SRPK2: variants seen among roughly 807,000 people sequenced by gnomAD.
SRPK2 encodes SRSF protein kinase 2.
SRPK2 carries 21 observed loss-of-function variants against 90.8 expected under a neutral mutation model. That is an observed-to-expected ratio of 0.23 (90% CI 0.16 to 0.33). The LOEUF is 0.33. SRPK2 is among the 10% of genes least tolerant of loss of function. The probability of loss-of-function intolerance (pLI) is 1.00; values close to 1 mark genes in which losing one functional copy is unlikely to be tolerated. For missense variants in SRPK2, 620 were observed against 869.0 expected (o/e 0.71, Z 3.60); for synonymous variants, 288 against 311.1 (o/e 0.93, Z 0.78).
At chr7:105,161,082 C>G (rs1002507081) in intron 6 of SRPK2, among the ~76,000 whole-genome samples, 1 of 152,034 alleles carries the variant, frequency 6.6e-6, no homozygotes, top group Admixed American at 6.6e-5. Context: ...CCCGCCACCA[C>G]GCTCGGCTAA....
chr7:105,289,273 C>CA (rs958924705), intron 2 of SRPK2, among the ~76,000 whole-genome samples: 5 of 149,774 alleles, frequency 3.3e-5, no homozygotes, highest in African/African-American at 7.4e-5. Context: ...GACTCTGTCT[C>CA]AAAAAAAATA....
At chr7:105,169,060 C>T in intron 4 of SRPK2, 97 bp downstream of exon 4, 1 of 1,051,402 alleles carries the variant, frequency 9.5e-7, no homozygotes, top group South Asian at 1.4e-5. Flanking sequence ...CTTCACATAC[C>T]TCAACAAAGC....
intron 2 of SRPK2, among the ~76,000 whole-genome samples, chr7:105,326,046 C>A (rs189864876): frequency 6.6e-6 from 1 of 152,184 alleles, no homozygotes; most frequent in Non-Finnish European, 1.5e-5. Context: ...GGGTCTGGTG[C>A]GGAGAGCCAT....
intron 2 of SRPK2, among the ~76,000 whole-genome samples, chr7:105,378,502 C>T (rs1471994187): frequency 2.6e-5 from 4 of 152,038 alleles, no homozygotes; most frequent in African/African-American, 7.2e-5. Context: ...TGGTGGCTCA[C>T]GCCTGTAATC....
chr7:105,153,460 C>T (rs947720397), intron 7 of SRPK2, among the ~76,000 whole-genome samples: 12 of 152,128 alleles, frequency 7.9e-5, no homozygotes, highest in Non-Finnish European at 1.6e-4. Context: ...CAAATCTGCT[C>T]CTCTCCACCA....
At chr7:105,223,578 C>G (rs562626780) in intron 2 of SRPK2, among the ~76,000 whole-genome samples, 11 of 152,318 alleles carry the variant, frequency 7.2e-5, no homozygotes, top group African/African-American at 2.4e-4. Context: ...CTATGTCCCC[C>G]ACAGATCTCA....
intron 2 of SRPK2, chr7:105,269,117 GTTTTC>G: frequency 7.2e-6 from 8 of 1,109,200 alleles, no homozygotes; most frequent in Non-Finnish European, 8.9e-6. Context: ...GCAGAGGGGT[GTTTTC>G]TTTTTTAAGG....
At chr7:105,124,334 C>T (rs528401298) in intron 15 of SRPK2, among the ~76,000 whole-genome samples, 2 of 152,276 alleles carry the variant, frequency 1.3e-5, no homozygotes, top group East Asian at 1.9e-4. Context: ...AACAGACAGA[C>T]GATTAACAAA....
At chr7:105,204,415 G>T (rs1008611032) in intron 2 of SRPK2, among the ~76,000 whole-genome samples, 1 of 152,168 alleles carries the variant, frequency 6.6e-6, no homozygotes. Flanking sequence ...GTGTTTGATT[G>T]ATTGAGATTA....
intron 8 of SRPK2, among the ~76,000 whole-genome samples, chr7:105,145,708 T>G (rs1169073505): frequency 6.6e-6 from 1 of 152,198 alleles, no homozygotes; most frequent in Non-Finnish European, 1.5e-5. Flanking sequence ...TGGAATCTAT[T>G]TTGCAAGCTT....
At chr7:105,159,060 A>G (rs1477910532) in intron 7 of SRPK2, among the ~76,000 whole-genome samples, 1 of 152,170 alleles carries the variant, frequency 6.6e-6, no homozygotes, top group Non-Finnish European at 1.5e-5. Context: ...ATCTAGGCCC[A>G]CATGTATACC....
intron 7 of SRPK2, among the ~76,000 whole-genome samples, chr7:105,151,455 A>C (rs1805636048): frequency 6.6e-6 from 1 of 152,218 alleles, no homozygotes. Context: ...GCACACAAGA[A>C]ACTTAAATGG....
upstream of SRPK2, among the ~76,000 whole-genome samples, chr7:105,393,306 A>G (rs1008687924): frequency 1.3e-5 from 2 of 149,578 alleles, no homozygotes; most frequent in Non-Finnish European, 2.9e-5. Context: ...TAATTTTTGT[A>G]TTTTTAGTGG....
chr7:105,381,679 CT>C (rs1346147649), intron 2 of SRPK2, among the ~76,000 whole-genome samples: 1 of 151,996 alleles, frequency 6.6e-6, no homozygotes, highest in East Asian at 1.9e-4. Flanking sequence ...CTGTATTCTA[CT>C]GTAGAGGTAG....
At chr7:105,351,168 A>G (rs1223533352) in intron 2 of SRPK2, among the ~76,000 whole-genome samples, 2 of 152,124 alleles carry the variant, frequency 1.3e-5, no homozygotes. Flanking sequence ...TGGTGGCTTT[A>G]TAAGAGGAAG....
intron 2 of SRPK2, among the ~76,000 whole-genome samples, chr7:105,322,476 A>T (rs1813047515): frequency 6.6e-6 from 1 of 152,198 alleles, no homozygotes; most frequent in African/African-American, 2.4e-5. Context: ...AAGAAGCCAG[A>T]CACAAAAGGT....
At chr7:105,194,761 G>A (rs1279189437) in intron 3 of SRPK2, among the ~76,000 whole-genome samples, 1 of 152,138 alleles carries the variant, frequency 6.6e-6, no homozygotes, top group South Asian at 2.1e-4. Context: ...CACAAAGCTG[G>A]AAGACTGACA....
chr7:105,391,791 T>A (rs940544085), upstream of SRPK2, among the ~76,000 whole-genome samples: 2 of 152,234 alleles, frequency 1.3e-5, no homozygotes, highest in Non-Finnish European at 2.9e-5. Flanking sequence ...GCAGTTATTA[T>A]GGAAACAGTC....
At chr7:105,184,568 T>C (rs1218993726) in intron 3 of SRPK2, among the ~76,000 whole-genome samples, 1 of 152,230 alleles carries the variant, frequency 6.6e-6, no homozygotes, top group Non-Finnish European at 1.5e-5. Flanking sequence ...TGTATGTCTA[T>C]ACAGGCCTCT....
Sources: allele counts gnomAD v4.1 joint callset (sites outside exome capture counted in the v4.1 genomes callset), GRCh38; gene constraint gnomAD v4.1.1; transcripts MANE v1.5; gene names NCBI Gene and HGNC (gene_info 2026-07-23, HGNC 2026-07-21).